Variants in TRPC5 observed in about 807,000 individuals in gnomAD.
The protein encoded by TRPC5 is transient receptor potential cation channel subfamily C member 5, also known as short transient receptor potential channel 5.
Under a neutral mutation model 56.5 loss-of-function variants are expected in TRPC5, and 9 were observed. The ratio of observed to expected loss-of-function variants is 0.16; its 90% CI spans 0.10 to 0.28. The LOEUF (loss-of-function observed/expected upper bound fraction) is 0.28. Ranked by LOEUF, TRPC5 falls within the 10% of genes least tolerant of loss-of-function variation. The probability of loss-of-function intolerance (pLI) is 1.00; values close to 1 mark genes in which losing one functional copy is unlikely to be tolerated. For synonymous variants in TRPC5, 282 were observed against 278.5 expected (o/e 1.01, Z -0.13); for missense variants, 469 against 748.9 (o/e 0.63, Z 4.36).
chrX:111,870,468 T>C (rs997127310), intron 3 of TRPC5, among the ~76,000 whole-genome samples: 1 of 112,017 alleles, frequency 8.9e-6, no homozygotes, highest in Non-Finnish European at 1.9e-5. Flanking sequence ...CATTATTCAT[T>C]ATTTATCTGA....
chrX:111,820,520 A>C (rs1253223279), intron 7 of TRPC5, among the ~76,000 whole-genome samples: 1 of 112,220 alleles, frequency 8.9e-6, no homozygotes, highest in Non-Finnish European at 1.9e-5. Flanking sequence ...AAATTATACA[A>C]ATTTCAAATT....
intron 1 of TRPC5, among the ~76,000 whole-genome samples, chrX:111,991,893 A>C (rs1179445255): frequency 8.9e-6 from 1 of 111,983 alleles, no homozygotes; most frequent in Non-Finnish European, 1.9e-5. Flanking sequence ...CTAATAAATA[A>C]TCTACATCTT....
intron 2 of TRPC5, among the ~76,000 whole-genome samples, chrX:111,950,133 G>C (rs1340759709): frequency 9.0e-6 from 1 of 111,120 alleles, no homozygotes; most frequent in African/African-American, 3.3e-5. Context: ...GAACATCCTG[G>C]CTAACACAGT....
intron 7 of TRPC5, among the ~76,000 whole-genome samples, chrX:111,815,089 C>A (rs1250724113): frequency 1.8e-5 from 2 of 111,942 alleles, no homozygotes; most frequent in Non-Finnish European, 3.8e-5. Flanking sequence ...GAGACATTAG[C>A]AGGATATCTC....
At chrX:111,985,085 A>T (rs935018502) in intron 1 of TRPC5, among the ~76,000 whole-genome samples, 1 of 112,123 alleles carries the variant, frequency 8.9e-6, no homozygotes, top group Non-Finnish European at 1.9e-5. Flanking sequence ...GGTGGCACTA[A>T]TCTCTGCAAT....
intron 2 of TRPC5, among the ~76,000 whole-genome samples, chrX:111,920,569 G>A (rs972230199): frequency 1.8e-5 from 2 of 110,393 alleles, no homozygotes; most frequent in African/African-American, 6.6e-5. Context: ...GGACTTCTGG[G>A]TCCCTTTAGG....
At chrX:112,035,235 G>C in intron 1 of TRPC5, among the ~76,000 whole-genome samples, 1 of 110,345 alleles carries the variant, frequency 9.1e-6, no homozygotes, top group Non-Finnish European at 1.9e-5. Flanking sequence ...TTGAAAACTG[G>C]ATATTTGAAT....
intron 2 of TRPC5, among the ~76,000 whole-genome samples, chrX:111,944,298 G>A (rs1926864087): frequency 3.3e-5 from 3 of 89,986 alleles, no homozygotes; most frequent in Admixed American, 1.2e-4. Flanking sequence ...GTGTGTGTGT[G>A]TGTGTGAGAG....
chrX:111,867,333 T>C, intron 3 of TRPC5, among the ~76,000 whole-genome samples: 1 of 112,046 alleles, frequency 8.9e-6, no homozygotes, highest in South Asian at 3.8e-4. Context: ...GCTCACTGCT[T>C]TGTCATGAGG....
At chrX:111,967,752 G>A (rs1927641929) in intron 1 of TRPC5, among the ~76,000 whole-genome samples, 1 of 111,501 alleles carries the variant, frequency 9.0e-6, no homozygotes, top group Admixed American at 9.5e-5. Context: ...AATGGTGCTG[G>A]GAAAACTGGC....
At chrX:111,798,474 T>A (rs1013486498) in intron 7 of TRPC5, among the ~76,000 whole-genome samples, 2 of 111,599 alleles carry the variant, frequency 1.8e-5, no homozygotes, top group Non-Finnish European at 3.8e-5. Flanking sequence ...AAACATTGGA[T>A]AACACCGGGG....
chrX:111,856,537 C>CAAATAATAAT (rs1923235383), intron 3 of TRPC5, among the ~76,000 whole-genome samples: 1 of 78,808 alleles, frequency 1.3e-5, no homozygotes, highest in African/African-American at 1.1e-4. Flanking sequence ...AGCCCTGTCT[C>CAAATAATAAT]AAATAATAAT....
At chrX:111,996,680 T>C (rs1208325188) in intron 1 of TRPC5, among the ~76,000 whole-genome samples, 3 of 111,933 alleles carry the variant, frequency 2.7e-5, no homozygotes, top group Non-Finnish European at 3.8e-5. Flanking sequence ...ATTGGGTGCA[T>C]ATATATTTAG....
intron 7 of TRPC5, among the ~76,000 whole-genome samples, chrX:111,786,926 G>C (rs1448943906): frequency 9.0e-6 from 1 of 111,385 alleles, no homozygotes; most frequent in Non-Finnish European, 1.9e-5. Flanking sequence ...CAAGTCCTTA[G>C]AGACCTACAA....
intron 3 of TRPC5, among the ~76,000 whole-genome samples, chrX:111,881,201 A>C (rs1323002294): frequency 1.1e-5 from 1 of 90,170 alleles, no homozygotes; most frequent in Non-Finnish European, 1.9e-5. Flanking sequence ...TTTTTGAGAC[A>C]GAATCTCACC....
chrX:111,839,082 C>A (rs1922650276), intron 6 of TRPC5, among the ~76,000 whole-genome samples: 1 of 111,936 alleles, frequency 8.9e-6, no homozygotes, highest in Non-Finnish European at 1.9e-5. Flanking sequence ...CTTACCCATT[C>A]CACAGTTCCC....
intron 1 of TRPC5, among the ~76,000 whole-genome samples, chrX:112,066,325 T>C (rs752990734): frequency 9.0e-6 from 1 of 111,696 alleles, no homozygotes; most frequent in African/African-American, 3.2e-5. Context: ...CTATATTTCA[T>C]TAATGAATTC....
At chrX:111,864,112 G>A (rs1231956628) in intron 3 of TRPC5, among the ~76,000 whole-genome samples, 5 of 110,444 alleles carry the variant, frequency 4.5e-5, no homozygotes, top group Non-Finnish European at 9.5e-5. Flanking sequence ...TCAGCCTCCC[G>A]AGTAGCTGGG....
chrX:111,965,202 A>C (rs780555946), intron 1 of TRPC5, among the ~76,000 whole-genome samples: 5 of 111,743 alleles, frequency 4.5e-5, no homozygotes, highest in East Asian at 5.6e-4. Flanking sequence ...AGACTTTAAA[A>C]CAACAAAGAT....
Sources: allele counts gnomAD v4.1 joint callset (sites outside exome capture counted in the v4.1 genomes callset), GRCh38; gene constraint gnomAD v4.1.1; transcripts MANE v1.5; gene names NCBI Gene and HGNC (gene_info 2026-07-23, HGNC 2026-07-21).